Variants in CNBD1 observed in about 807,000 individuals in gnomAD.
The protein encoded by CNBD1 is cyclic nucleotide binding domain containing 1, also known as cyclic nucleotide-binding domain-containing protein 1.
CNBD1 carries 71 observed loss-of-function variants against 54.4 expected under a neutral mutation model. The ratio of observed to expected loss-of-function variants is 1.30; its 90% CI spans 1.08 to 1.59. The LOEUF is 1.59. Ranked by LOEUF, CNBD1 falls within the 40% of genes most tolerant of loss-of-function variation. The pLI is 0.00. For missense variants in CNBD1, 659 were observed against 518.0 expected, an observed-to-expected ratio of 1.27 and a Z score of -2.64; for synonymous variants, 182 against 170.7, an observed-to-expected ratio of 1.07 and a Z score of -0.51.
chr8:87,105,712 G>C (rs1279379932), intron 4 of CNBD1, among the ~76,000 whole-genome samples: 1 of 151,692 alleles, frequency 6.6e-6, no homozygotes, highest in Non-Finnish European at 1.5e-5. Flanking sequence ...TTTAGGCTAA[G>C]CCTTTTTTTT....
Position 86,866,428 on chromosome 8 carries a change from G to A in CNBD1, c.-68G>A. 1 of 1,109,720 alleles carries A rather than the reference G, an allele frequency of 9.0e-7. No individual in the cohort carries two copies. Among genetic ancestry groups the A allele is most frequent in the Non-Finnish European group, 1.3e-6 (1 of 743,978 alleles). The allele number at this position is 1,109,720 out of a possible 1,614,324, so 68.7% of individuals were successfully genotyped here. The stretch of plus-strand genomic sequence containing the variant: ...CCTTGAAGTTCTGCTTTATGAGCCT[G>A]CAGGCAAAGAGTGATCATTTGCCTC... On this transcript the variant is annotated 5_prime_UTR_variant, in exon 1 of 11. Transcript: ENST00000518476.
intron 4 of CNBD1, among the ~76,000 whole-genome samples, chr8:87,161,001 A>G (rs78882023): frequency 0.02 from 3,043 of 152,154 alleles, 117 homozygotes; most frequent in African/African-American, 0.07. Flanking sequence ...GGCATCATCA[A>G]TGTTGTCTTC....
At chr8:87,383,984 T>C (rs1292658502), downstream of CNBD1, among the ~76,000 whole-genome samples, 1 of 152,098 alleles carries the variant, frequency 6.6e-6, no homozygotes. Flanking sequence ...TGGTAATGAT[T>C]ACAAGACATT....
At chr8:87,228,740 A>T (rs1814579439) in intron 5 of CNBD1, among the ~76,000 whole-genome samples, 1 of 152,090 alleles carries the variant, frequency 6.6e-6, no homozygotes, top group Non-Finnish European at 1.5e-5. Context: ...AGAGGCAGGC[A>T]GGCCTCCTTG....
intron 4 of CNBD1, among the ~76,000 whole-genome samples, chr8:87,097,991 C>T (rs1563467712): frequency 6.6e-6 from 1 of 152,120 alleles, no homozygotes; most frequent in African/African-American, 2.4e-5. Context: ...TTATGCTTCC[C>T]TTTGCATATT....
At chr8:87,192,616 A>G (rs945068931) in intron 4 of CNBD1, among the ~76,000 whole-genome samples, 1 of 152,208 alleles carries the variant, frequency 6.6e-6, no homozygotes. Context: ...GATGCTCTTT[A>G]TAACTGTGTG....
intron 4 of CNBD1, among the ~76,000 whole-genome samples, chr8:87,066,101 C>G (rs1444278069): frequency 2.0e-5 from 3 of 151,956 alleles, no homozygotes; most frequent in Non-Finnish European, 4.4e-5. Flanking sequence ...GATTTAAATT[C>G]TCAGACATAG....
At chr8:87,062,155 A>G (rs970758073) in intron 4 of CNBD1, among the ~76,000 whole-genome samples, 1 of 152,242 alleles carries the variant, frequency 6.6e-6, no homozygotes, top group Non-Finnish European at 1.5e-5. Flanking sequence ...AATGACAACT[A>G]GGGTTACTTT....
At chr8:86,963,306 A>G (rs1487530268) in intron 4 of CNBD1, among the ~76,000 whole-genome samples, 2 of 152,154 alleles carry the variant, frequency 1.3e-5, no homozygotes, top group African/African-American at 4.8e-5. Flanking sequence ...GTATGTAAGC[A>G]TGATATTCCC....
In CNBD1 at chr8:87,411,535, ATATGT is replaced by A. The variant is rs1420412374; in HGVS notation, c.214-17008_214-17004del. Among the ~76,000 whole-genome samples the A allele has an allele frequency of 1.1e-4, 16 of 150,294 alleles. No individual in the cohort carries two copies. In the East Asian group the frequency reaches 2.7e-3, roughly 26 times the overall value. On this transcript the variant is annotated intron_variant, in intron 2 of 7. Transcript: ENST00000521593. The stretch of plus-strand genomic sequence containing the variant: ...CAACCAATTAAGCCATTTCTTGGAA[ATATGT>A]TAAGTACAGTTAATGATGTCACTTA...
chr8:87,185,252 G>C (rs756763689), intron 4 of CNBD1, among the ~76,000 whole-genome samples: 4 of 152,022 alleles, frequency 2.6e-5, no homozygotes, highest in Non-Finnish European at 5.9e-5. Context: ...TAACCTTACT[G>C]TTTTTCTATT....
intron 3 of CNBD1, among the ~76,000 whole-genome samples, chr8:86,914,170 G>A (rs1809147294): frequency 6.6e-6 from 1 of 152,116 alleles, no homozygotes; most frequent in East Asian, 1.9e-4. Flanking sequence ...AGGGTCCTGA[G>A]GCGACATACA....
At chr8:87,266,378 T>A (rs1445796338) in intron 6 of CNBD1, among the ~76,000 whole-genome samples, 1 of 129,496 alleles carries the variant, frequency 7.7e-6, no homozygotes, top group Non-Finnish European at 1.6e-5. Context: ...GACTGATAGG[T>A]AAGCACACTG....
intron 6 of CNBD1, among the ~76,000 whole-genome samples, chr8:87,282,584 C>T (rs1329195166): frequency 1.3e-5 from 2 of 151,710 alleles, no homozygotes; most frequent in Non-Finnish European, 2.9e-5. Context: ...AATATTAATA[C>T]TTTTAAAAAT....
chr8:87,419,309 G>C (rs1586091041), intron 2 of CNBD1, among the ~76,000 whole-genome samples: 1 of 151,958 alleles, frequency 6.6e-6, no homozygotes, highest in East Asian at 1.9e-4. Context: ...AAGAAGTAGA[G>C]ATGGAAAGTG....
At chr8:87,317,960 A>G (rs549360922) in intron 8 of CNBD1, among the ~76,000 whole-genome samples, 1 of 152,086 alleles carries the variant, frequency 6.6e-6, no homozygotes, top group Admixed American at 6.6e-5. Context: ...AAGTTCACCA[A>G]TATTTTCTTC....
chr8:87,002,313 A>G (rs1197712136), intron 4 of CNBD1, among the ~76,000 whole-genome samples: 1 of 152,062 alleles, frequency 6.6e-6, no homozygotes, highest in Non-Finnish European at 1.5e-5. Context: ...TTTATCCCCT[A>G]TAGATTGTTC....
intron 4 of CNBD1, among the ~76,000 whole-genome samples, chr8:87,036,626 T>A (rs1809956574): frequency 6.9e-6 from 1 of 144,464 alleles, no homozygotes; most frequent in African/African-American, 2.6e-5. Flanking sequence ...AAAAGATTGG[T>A]CACAGGTGTT....
At chr8:87,126,923 C>G (rs1487595631) in intron 4 of CNBD1, among the ~76,000 whole-genome samples, 1 of 151,728 alleles carries the variant, frequency 6.6e-6, no homozygotes, top group African/African-American at 2.4e-5. Context: ...GCCTTTGCAT[C>G]TTTGTAGAAA....
Sources: gnomAD v4.1 joint callset for allele counts (sites outside exome capture counted in the v4.1 genomes callset) on GRCh38, gnomAD v4.1.1 for gene constraint, MANE v1.5 for transcripts, NCBI Gene and HGNC (gene_info 2026-07-23, HGNC 2026-07-21) for gene names.